The following DLG2 variants were observed in gnomAD, a reference collection of about 807,000 sequenced individuals.
The protein encoded by DLG2 is discs large MAGUK scaffold protein 2.
Under a neutral mutation model 132.5 loss-of-function variants are expected in DLG2, and 45 were observed. The observed-to-expected ratio is 0.34, with a 90% CI of 0.27 to 0.44. The LOEUF is 0.44. Among genes scored for constraint, DLG2 ranks in the 20% least tolerant of loss-of-function variants. The probability of loss-of-function intolerance (pLI) is 1.00; values close to 1 mark genes in which losing one functional copy is unlikely to be tolerated. For synonymous variants in DLG2, 424 were observed against 419.6 expected, an observed-to-expected ratio of 1.01 and a Z score of -0.13; for missense variants, 1,045 against 1,196.9, an observed-to-expected ratio of 0.87 and a Z score of 1.87.
At chr11:85,324,077 C>A (rs1473725507) in intron 3 of DLG2, among the ~76,000 whole-genome samples, 2 of 152,138 alleles carry the variant, frequency 1.3e-5, no homozygotes, top group South Asian at 2.1e-4. Context: ...TAAAGAAGTT[C>A]TCTGTAAGTG....
At chr11:84,055,732 A>G (rs947084055) in intron 11 of DLG2, among the ~76,000 whole-genome samples, 7 of 152,062 alleles carry the variant, frequency 4.6e-5, no homozygotes, top group Admixed American at 4.6e-4. Flanking sequence ...CCACTATTTA[A>G]TTGGCACCCC....
chr11:85,091,642 G>T lies in DLG2; in HGVS notation c.357+20019C>A, dbSNP rs191859993. ...AATATTCTAAAGACTTTGTTGTCGT[G>T]TCTACAATGTTCACATCGTCTTCTT... On this transcript the variant is annotated intron_variant, in intron 6 of 27. Coordinates refer to ENST00000376104, the MANE Select transcript of DLG2 (RefSeq NM_001142699.3). Among the ~76,000 whole-genome samples the T allele has an allele frequency of 3.9e-5, 6 of 152,300 alleles. No individual in the cohort carries two copies. The East Asian group carries it at 1.2e-3, about 29-fold the overall frequency.
chr11:85,424,013 G>T, intron 3 of DLG2, among the ~76,000 whole-genome samples: 1 of 152,084 alleles, frequency 6.6e-6, no homozygotes, highest in East Asian at 1.9e-4. Context: ...ATTTCCCCAT[G>T]GCCTTTTCCC....
At chr11:84,806,640 T>A (rs1455723061) in intron 6 of DLG2, among the ~76,000 whole-genome samples, 1 of 152,114 alleles carries the variant, frequency 6.6e-6, no homozygotes, top group African/African-American at 2.4e-5. Flanking sequence ...AAAGGAAAAC[T>A]AAGAGAATTT....
intron 7 of DLG2, among the ~76,000 whole-genome samples, chr11:84,304,469 T>C (rs1231369710): frequency 6.6e-6 from 1 of 152,210 alleles, no homozygotes; most frequent in Non-Finnish European, 1.5e-5. Flanking sequence ...GAAAGGGACA[T>C]TCCATCAGGT....
At chr11:85,577,568 A>C (rs765189468) in intron 3 of DLG2, among the ~76,000 whole-genome samples, 3 of 152,104 alleles carry the variant, frequency 2.0e-5, no homozygotes, top group Non-Finnish European at 4.4e-5. Flanking sequence ...CAGACAACCA[A>C]GTGGAAGATG....
chr11:83,790,137 C>T, intron 17 of DLG2: 1 of 846,838 alleles, frequency 1.2e-6, no homozygotes, highest in Non-Finnish European at 1.9e-6. Flanking sequence ...AGGTAAGTTG[C>T]AGATCCAGGC....
At chr11:83,656,409 C>G (rs1420650492) in intron 18 of DLG2, among the ~76,000 whole-genome samples, 1 of 152,166 alleles carries the variant, frequency 6.6e-6, no homozygotes, top group Non-Finnish European at 1.5e-5. Flanking sequence ...CAATCTTAGC[C>G]TCTGCAGATG....
intron 22 of DLG2, chr11:83,483,289 C>T: frequency 1.2e-6 from 2 of 1,612,788 alleles, no homozygotes; most frequent in Non-Finnish European, 1.7e-6. Context: ...TCACCTAATC[C>T]GGGGATGTCC....
At chr11:83,852,615 T>C (rs1419229819) in intron 16 of DLG2, among the ~76,000 whole-genome samples, 2 of 152,240 alleles carry the variant, frequency 1.3e-5, no homozygotes, top group African/African-American at 4.8e-5. Flanking sequence ...TTAGCTGTAG[T>C]TGAACTCTAA....
chr11:84,228,699 A>G (rs1015100382), intron 8 of DLG2, among the ~76,000 whole-genome samples: 1 of 152,230 alleles, frequency 6.6e-6, no homozygotes, highest in African/African-American at 2.4e-5. Context: ...AAACACAGGT[A>G]AGATAATAAC....
intron 3 of DLG2, among the ~76,000 whole-genome samples, chr11:85,539,946 C>A (rs2075853189): frequency 6.6e-6 from 1 of 152,198 alleles, no homozygotes; most frequent in African/African-American, 2.4e-5. Context: ...TCACAACTTC[C>A]TAGTTTGCGA....
At chr11:84,715,432 C>T (rs888229192) in intron 6 of DLG2, among the ~76,000 whole-genome samples, 6 of 151,972 alleles carry the variant, frequency 3.9e-5, no homozygotes, top group Non-Finnish European at 8.8e-5. Flanking sequence ...TTCTGGTATA[C>T]AATCCAATAT....
chr11:85,041,729 C>G (rs926005753), intron 6 of DLG2, among the ~76,000 whole-genome samples: 4 of 151,800 alleles, frequency 2.6e-5, no homozygotes, highest in Admixed American at 6.6e-5. Context: ...GGATGCAAAA[C>G]CAATGACATT....
chr11:84,187,505 C>G (rs956755767), intron 8 of DLG2, among the ~76,000 whole-genome samples: 7 of 151,908 alleles, frequency 4.6e-5, no homozygotes, highest in African/African-American at 1.7e-4. Flanking sequence ...CAAACCTTAC[C>G]AAGGACTGTT....
At chr11:84,182,939 T>A (rs1465148813) in intron 8 of DLG2, among the ~76,000 whole-genome samples, 1 of 152,084 alleles carries the variant, frequency 6.6e-6, no homozygotes, top group African/African-American at 2.4e-5. Context: ...ATTAAAAGGA[T>A]AATAAGAGAA....
intron 8 of DLG2, among the ~76,000 whole-genome samples, chr11:84,187,806 A>C (rs957934153): frequency 6.6e-6 from 1 of 152,078 alleles, no homozygotes; most frequent in African/African-American, 2.4e-5. Context: ...AATCAATAGA[A>C]CAGGAATATT....
intron 4 of DLG2, among the ~76,000 whole-genome samples, chr11:85,243,282 A>G (rs148071943): frequency 1.5e-4 from 23 of 152,088 alleles, no homozygotes; most frequent in African/African-American, 4.8e-4. Flanking sequence ...TCAAAAATGC[A>G]ATTGCTTATT....
At chr11:85,457,184 CTTTTTTTT>C (rs35970313) in intron 3 of DLG2, among the ~76,000 whole-genome samples, 5 of 132,584 alleles carry the variant, frequency 3.8e-5, no homozygotes, top group African/African-American at 1.4e-4. Flanking sequence ...CCTTCTTTGT[CTTTTTTTT>C]TTTTTTTTAT....
Sources: gnomAD v4.1 joint callset for allele counts (sites outside exome capture counted in the v4.1 genomes callset) on GRCh38, gnomAD v4.1.1 for gene constraint, MANE v1.5 for transcripts, NCBI Gene and HGNC (gene_info 2026-07-23, HGNC 2026-07-21) for gene names.